The following FA2H variants were observed in gnomAD, a reference collection of about 807,000 sequenced individuals.
FA2H encodes the protein fatty acid alpha-hydroxylase.
FA2H carries 22 observed loss-of-function variants against 44.9 expected under a neutral mutation model. The ratio of observed to expected loss-of-function variants is 0.49; its 90% CI spans 0.35 to 0.70. FA2H has a LOEUF of 0.70. Among genes scored for constraint, FA2H ranks in the 30% least tolerant of loss-of-function variants. The probability of loss-of-function intolerance (pLI) is 0.01; values close to 1 mark genes in which losing one functional copy is unlikely to be tolerated. For missense variants in FA2H, 501 were observed against 504.9 expected (o/e 0.99, Z 0.07); for synonymous variants, 243 against 213.2 (o/e 1.14, Z -1.22).
At chr16:74,758,371 C>T (rs985191185) in intron 1 of FA2H, among the ~76,000 whole-genome samples, 1 of 151,938 alleles carries the variant, frequency 6.6e-6, no homozygotes, top group East Asian at 1.9e-4. Flanking sequence ...CCGCCTGCCT[C>T]GGCCTCCTAA....
intron 1 of FA2H, among the ~76,000 whole-genome samples, chr16:74,757,764 C>T (rs370932176): frequency 2.6e-5 from 4 of 152,120 alleles, no homozygotes; most frequent in African/African-American, 9.7e-5. Flanking sequence ...TGCCTGTAAT[C>T]CTGGCACTTT....
intron 5 of FA2H, 32 bp from the exon 6 acceptor site, chr16:74,716,631 C>A: frequency 6.5e-7 from 1 of 1,528,258 alleles, no homozygotes; most frequent in Non-Finnish European, 8.8e-7. Context: ...CATCAGGAGG[C>A]AGCCAGGGGC....
At chr16:74,768,999 AT>A (rs1156235537) in intron 1 of FA2H, among the ~76,000 whole-genome samples, 35 of 152,136 alleles carry the variant, frequency 2.3e-4, no homozygotes, top group African/African-American at 8.2e-4. Context: ...CCTCTCCAGG[AT>A]TGGTGGGGCA....
chr16:74,757,106 C>T (rs1305071554), intron 1 of FA2H, among the ~76,000 whole-genome samples: 1 of 149,918 alleles, frequency 6.7e-6, no homozygotes, highest in Non-Finnish European at 1.5e-5. Flanking sequence ...AACACAGATG[C>T]CAAAAAACAG....
chr16:74,753,038 C>A (rs1055785654), intron 1 of FA2H, among the ~76,000 whole-genome samples: 20 of 152,224 alleles, frequency 1.3e-4, no homozygotes, highest in Non-Finnish European at 4.4e-5. Context: ...AGAGACCCAC[C>A]CCTGGTTAGC....
chr16:74,715,580 C>T (rs911920858), intron 6 of FA2H, among the ~76,000 whole-genome samples: 2 of 152,236 alleles, frequency 1.3e-5, no homozygotes, highest in African/African-American at 2.4e-5. Flanking sequence ...GCCTGAGCCA[C>T]TGCGCTCAGC....
intron 1 of FA2H, among the ~76,000 whole-genome samples, chr16:74,763,638 T>G (rs1049484736): frequency 2.6e-5 from 4 of 152,180 alleles, no homozygotes; most frequent in Non-Finnish European, 4.4e-5. Context: ...AATCTGAACA[T>G]CATTCAATGC....
At chr16:74,755,751 A>G (rs566972447) in intron 1 of FA2H, among the ~76,000 whole-genome samples, 1 of 152,314 alleles carries the variant, frequency 6.6e-6, no homozygotes, top group Admixed American at 6.5e-5. Flanking sequence ...AGCAGTCTTT[A>G]TAAGGCTTGT....
At chr16:74,727,139 G>C (rs1961976496) in intron 3 of FA2H, 105 bp downstream of exon 3, 1 of 1,450,750 alleles carries the variant, frequency 6.9e-7, no homozygotes, top group Admixed American at 1.7e-5. Flanking sequence ...TTACAGCATA[G>C]ACCTGGGCTC....
chr16:74,731,392 C>T lies in FA2H; in HGVS notation c.364-4006G>A, dbSNP rs545324698. Among the ~76,000 whole-genome samples the T allele has an allele frequency of 7.9e-5, 12 of 152,076 alleles. No homozygotes were observed. The South Asian group carries it at 2.5e-3, about 32-fold the overall frequency. On this transcript the variant is annotated intron_variant, in intron 2 of 6. Coordinates refer to ENST00000219368, the MANE Select transcript of FA2H (RefSeq NM_024306.5). ...TCCTGACCTCAGGTGATTCTACCCG[C>T]TTCCACCTCCCAAAGTGCTGGGATT...
intron 1 of FA2H, among the ~76,000 whole-genome samples, chr16:74,764,748 G>A (rs1042014461): frequency 6.6e-6 from 1 of 151,906 alleles, no homozygotes; most frequent in East Asian, 1.9e-4. Flanking sequence ...AAGAATAGGA[G>A]CAATTAGAGA....
At chr16:74,739,902 C>A (rs1373070908) in intron 2 of FA2H, 121 bp downstream of exon 2, 1 of 824,248 alleles carries the variant, frequency 1.2e-6, no homozygotes. Context: ...CCTGCTTCTC[C>A]TTCCCCTTCT....
intron 4 of FA2H, chr16:74,725,979 C>T (rs1018957266): frequency 6.2e-6 from 3 of 482,144 alleles, no homozygotes; most frequent in African/African-American, 2.0e-5. Flanking sequence ...TTTTTTATTG[C>T]TATGCCACCC....
intron 1 of FA2H, among the ~76,000 whole-genome samples, chr16:74,770,510 C>T (rs145800399): frequency 0.015 from 2,315 of 152,288 alleles, 16 homozygotes; most frequent in Non-Finnish European, 0.023. Context: ...TCCTGAGTAG[C>T]TGGGACTGCA....
chr16:74,728,683 A>C (rs1962005863), intron 2 of FA2H, among the ~76,000 whole-genome samples: 1 of 152,084 alleles, frequency 6.6e-6, no homozygotes, highest in Admixed American at 6.6e-5. Flanking sequence ...ATCGGTACTC[A>C]CAGGCTAATC....
intron 1 of FA2H, among the ~76,000 whole-genome samples, chr16:74,746,990 C>T (rs571797210): frequency 1.7e-3 from 258 of 152,092 alleles, no homozygotes; most frequent in Middle Eastern, 3.2e-3. Context: ...TGGTTTTTCC[C>T]GGTTCTCCTC....
In FA2H at chr16:74,740,108, A is replaced by G. The variant is rs1962261958; in HGVS notation, c.278T>C (p.Met93Thr). ...GELRGEQQGS[M>T]ENEPVALEET... ...CTCAAGGGCTACAGGCTCGTTCTCC[A>G]TGGAGCCCTGGAAGGAGAAGATACA... The change falls in exon 2 of 7, where the codon ATG becomes ACG. Residue 93 changes from methionine to threonine, a missense_variant. Transcript: ENST00000219368. The G allele has an allele frequency of 6.2e-7, 1 of 1,612,206 alleles. No homozygotes were observed. Among genetic ancestry groups the G allele is most frequent in the African/African-American group, 1.3e-5 (1 of 74,932 alleles).
chr16:74,761,547 G>C (rs1035251165), intron 1 of FA2H, among the ~76,000 whole-genome samples: 3 of 152,080 alleles, frequency 2.0e-5, no homozygotes, highest in African/African-American at 7.2e-5. Flanking sequence ...AGGGATCATC[G>C]TTATCCAACT....
rs142417763 is a variant in FA2H, at chr16:74,772,871, T to C, written c.270+1615A>G. Among the ~76,000 whole-genome samples the C allele has an allele frequency of 5.1e-4, 77 of 152,278 alleles. No homozygotes were observed. The East Asian group carries it at 0.014, about 29-fold the overall frequency. On this transcript the variant is annotated intron_variant, in intron 1 of 6. Coordinates refer to ENST00000219368, the MANE Select transcript of FA2H (RefSeq NM_024306.5). ...TCATTCACCTCACTCCAACCCATCA[T>C]GTAGGCATCTTATTATCTTTTTTTT...
Sources: allele counts gnomAD v4.1 joint callset (sites outside exome capture counted in the v4.1 genomes callset), GRCh38; gene constraint gnomAD v4.1.1; transcripts MANE v1.5; gene names NCBI Gene and HGNC (gene_info 2026-07-23, HGNC 2026-07-21).